Variants in CRHR1 observed in about 807,000 individuals in gnomAD.
CRHR1 encodes the protein corticotropin releasing hormone receptor 1.
A neutral mutation model predicts 56.0 loss-of-function variants in CRHR1; 28 were observed. The observed-to-expected ratio is 0.50, with a 90% confidence interval of 0.37 to 0.69. The LOEUF is 0.69. Among genes scored for constraint, CRHR1 ranks in the 30% least tolerant of loss-of-function variants. CRHR1 has a pLI of 0.00. For synonymous variants in CRHR1, 195 were observed against 216.5 expected (o/e 0.90, Z 0.87); for missense variants, 376 against 548.0 (o/e 0.69, Z 3.13).
At chr17:45,795,516 C>T (rs2146273542) in intron 1 of CRHR1, among the ~76,000 whole-genome samples, 1 of 152,304 alleles carries the variant, frequency 6.6e-6, no homozygotes, top group Non-Finnish European at 1.5e-5. Flanking sequence ...CCAGTCGCAC[C>T]TCCCCCTTCC....
intron 4 of CRHR1, among the ~76,000 whole-genome samples, chr17:45,823,614 A>G (rs1411027376): frequency 6.6e-6 from 1 of 152,156 alleles, no homozygotes; most frequent in East Asian, 1.9e-4. Flanking sequence ...CCCGGAACCC[A>G]GGGCTTTGGA....
intron 2 of CRHR1, among the ~76,000 whole-genome samples, chr17:45,811,581 G>A (rs2146321035): frequency 6.6e-6 from 1 of 152,324 alleles, no homozygotes; most frequent in South Asian, 2.1e-4. Context: ...AGACCCTGAA[G>A]GCGTCTACCT....
chr17:45,829,784 C>T (rs2062252201), intron 5 of CRHR1: 2 of 973,288 alleles, frequency 2.1e-6, no homozygotes, highest in Non-Finnish European at 3.1e-6. Flanking sequence ...CCTGGAATGG[C>T]AGGGAGTAGA....
At chr17:45,820,339 A>G (rs993547333) in intron 3 of CRHR1, among the ~76,000 whole-genome samples, 1 of 152,178 alleles carries the variant, frequency 6.6e-6, no homozygotes, top group African/African-American at 2.4e-5. Flanking sequence ...AGAAGATGAG[A>G]TGGAATTTAG....
chr17:45,829,203 C>T lies in CRHR1; in HGVS notation c.328-12C>T. ...GCAGAAGGCTCACCTCTGCCCCTCT[C>T]TCCTGCTCCAGAAAAAAAGCAAGGT... On this transcript the variant is annotated splice_polypyrimidine_tract_variant and intron_variant, in intron 4 of 12. Coordinates refer to ENST00000314537, the MANE Select transcript of CRHR1 (RefSeq NM_004382.5). 1 of 1,609,420 alleles carries T rather than the reference C, an allele frequency of 6.2e-7. No homozygotes were observed. Among genetic ancestry groups the T allele is most frequent in the Non-Finnish European group, 8.5e-7 (1 of 1,176,450 alleles).
chr17:45,803,286 C>G (rs2061656963), intron 1 of CRHR1, among the ~76,000 whole-genome samples: 1 of 152,186 alleles, frequency 6.6e-6, no homozygotes, highest in African/African-American at 2.4e-5. Flanking sequence ...GAGCACGAAG[C>G]ACAGCTTAAG....
intron 2 of CRHR1, among the ~76,000 whole-genome samples, chr17:45,811,596 C>T (rs551871996): frequency 1.3e-5 from 2 of 152,312 alleles, no homozygotes; most frequent in Admixed American, 6.5e-5. Context: ...CTACCTGCCC[C>T]GTGAATGAGG....
intron 5 of CRHR1, 47 bp from the exon 6 acceptor site, chr17:45,830,047 C>CCT: frequency 6.2e-7 from 1 of 1,611,858 alleles, no homozygotes; most frequent in Non-Finnish European, 8.5e-7. Context: ...TACCCCTCAT[C>CCT]CTCTCTCTCC....
intron 1 of CRHR1, among the ~76,000 whole-genome samples, chr17:45,797,463 T>A (rs12952224): frequency 0.03 from 4,540 of 151,944 alleles, 74 homozygotes; most frequent in Middle Eastern, 0.044. Flanking sequence ...GCTAGTTTTT[T>A]GTATTTTTAG....
intron 7 of CRHR1, 51 bp from the exon 8 acceptor site, chr17:45,830,827 CCA>C (rs2062289928): frequency 6.3e-7 from 1 of 1,575,422 alleles, no homozygotes; most frequent in Admixed American, 1.7e-5. Flanking sequence ...TTCTCCAGGC[CCA>C]CATCCTCCAG....
intron 12 of CRHR1, 93 bp downstream of exon 12, chr17:45,834,141 T>A: frequency 1.3e-6 from 2 of 1,488,516 alleles, no homozygotes. Context: ...CTCCCAGGGC[T>A]GCCTCTCTCC....
chr17:45,831,623 C>T (rs62054760), intron 8 of CRHR1, among the ~76,000 whole-genome samples: 21,825 of 152,244 alleles, frequency 0.14, 2,138 homozygotes, highest in Middle Eastern at 0.22. Context: ...GAATCAGGCG[C>T]AATTGGTCTG....
chr17:45,807,279 G>A (rs976144960), intron 2 of CRHR1, among the ~76,000 whole-genome samples, 182 bp downstream of exon 2: 2 of 152,224 alleles, frequency 1.3e-5, no homozygotes, highest in Non-Finnish European at 1.5e-5. Flanking sequence ...AGGATCCTGA[G>A]GTTGGGTGTA....
chr17:45,823,753 C>G (rs1007033646), intron 4 of CRHR1, among the ~76,000 whole-genome samples: 7 of 152,222 alleles, frequency 4.6e-5, no homozygotes, highest in Non-Finnish European at 8.8e-5. Context: ...CCCGGCCTGG[C>G]AAGCTTTGGT....
At chr17:45,832,270 A>G (rs919287463) in intron 8 of CRHR1, among the ~76,000 whole-genome samples, 3 of 152,116 alleles carry the variant, frequency 2.0e-5, no homozygotes, top group African/African-American at 7.2e-5. Context: ...GTTTGGGCTA[A>G]AGGAGAAAGT....
chr17:45,819,370 C>T (rs1231767055), intron 3 of CRHR1, among the ~76,000 whole-genome samples: 1 of 152,164 alleles, frequency 6.6e-6, no homozygotes, highest in East Asian at 1.9e-4. Context: ...GGATTTGATG[C>T]TAGGCTGTCT....
intron 4 of CRHR1, among the ~76,000 whole-genome samples, chr17:45,822,400 C>T (rs565543555): frequency 3.9e-5 from 6 of 152,228 alleles, no homozygotes; most frequent in East Asian, 1.9e-4. Flanking sequence ...CTTTCCCACC[C>T]GACGCTTTCT....
At chr17:45,826,529 T>C (rs1024660386) in intron 4 of CRHR1, 2 of 152,350 alleles carry the variant, frequency 1.3e-5, no homozygotes, top group Admixed American at 6.5e-5. Flanking sequence ...CCCCCGGGAA[T>C]GGTTTGGCCT....
chr17:45,789,959 A>C (rs1226278598), intron 1 of CRHR1, among the ~76,000 whole-genome samples: 2 of 152,268 alleles, frequency 1.3e-5, no homozygotes, highest in Admixed American at 1.3e-4. Context: ...CAGTAAGTGC[A>C]TAATAAATAT....
Sources: gnomAD v4.1 joint callset for allele counts (sites outside exome capture counted in the v4.1 genomes callset) on GRCh38, gnomAD v4.1.1 for gene constraint, MANE v1.5 for transcripts, NCBI Gene and HGNC (gene_info 2026-07-23, HGNC 2026-07-21) for gene names.